PACSIN2: variants seen among roughly 807,000 people sequenced by gnomAD.
PACSIN2 encodes protein kinase C and casein kinase substrate in neurons 2.
Under a neutral mutation model 63.8 loss-of-function variants are expected in PACSIN2, and 25 were observed. The ratio of observed to expected loss-of-function variants is 0.39; its 90% CI spans 0.29 to 0.55. The LOEUF (loss-of-function observed/expected upper bound fraction) is 0.55, where lower values mean the gene tolerates loss of function less well. PACSIN2 is among the 20% of genes least tolerant of loss of function. The pLI, the probability that PACSIN2 is intolerant of heterozygous loss-of-function variation, is 0.62. For missense variants in PACSIN2, 518 were observed against 646.9 expected (o/e 0.80, Z 2.16); for synonymous variants, 255 against 256.2 (o/e 1.00, Z 0.05).
At chr22:42,889,381 C>CACACACACACACACACACAG (rs1569226248) in intron 4 of PACSIN2, among the ~76,000 whole-genome samples, 1 of 151,766 alleles carries the variant, frequency 6.6e-6, no homozygotes, top group East Asian at 1.9e-4. Context: ...TTTACACACA[C>CACACACACACACACACACAG]ACACACACAC....
rs1291903260 is a variant in PACSIN2, at chr22:42,925,715, T to C, written c.-77-13558A>G. 6.6e-5 allele frequency among the ~76,000 whole-genome samples: 10 copies of C among 152,324 alleles called. No individual in the cohort carries two copies. The South Asian group carries it at 1.7e-3, about 25-fold the overall frequency. ...TGTGAAGGTGCTATAACTCTAATGGTTAGAATTCTTTCGTAAACACTACTG... is the reference window on the plus strand; with the variant it reads ...TGTGAAGGTGCTATAACTCTAATGGCTAGAATTCTTTCGTAAACACTACTG... On this transcript the variant is annotated intron_variant, in intron 1 of 10. Coordinates refer to ENST00000263246, the MANE Select transcript of PACSIN2 (RefSeq NM_001184970.3).
rs1354383380 is a variant in PACSIN2, at chr22:42,936,211, G to A, written c.-77-24054C>T. On this transcript the variant is annotated intron_variant, in intron 1 of 10. Transcript: ENST00000263246. ...AGCCTGGGCGGCAGAGCGAGACTCCGTCTCAAAAAAAAAAAAAAAAATCCT... is the reference window on the plus strand; with the variant it reads ...AGCCTGGGCGGCAGAGCGAGACTCCATCTCAAAAAAAAAAAAAAAAATCCT... 7.8e-5 allele frequency among the ~76,000 whole-genome samples: 8 copies of A among 103,152 alleles called. No individual in the cohort carries two copies. In the East Asian group the frequency reaches 1.1e-3, roughly 14 times the overall value. 67.7% of individuals were successfully genotyped at this position (103,152 alleles called of 152,430 possible).
intron 1 of PACSIN2, among the ~76,000 whole-genome samples, chr22:42,971,296 G>A (rs1400202127): frequency 2.6e-5 from 4 of 152,098 alleles, no homozygotes; most frequent in African/African-American, 4.8e-5. Context: ...CGTGTTGGCC[G>A]GGCTGGTCTC....
chr22:42,894,531 G>A (rs540989519), intron 2 of PACSIN2, among the ~76,000 whole-genome samples: 4 of 152,310 alleles, frequency 2.6e-5, no homozygotes, highest in East Asian at 3.9e-4. Flanking sequence ...GTGAGGCACC[G>A]CGCCCAGCCC....
In PACSIN2 at chr22:42,942,104, T is replaced by TC. The variant is rs1264178262; in HGVS notation, c.-77-29948_-77-29947insG. Among the ~76,000 whole-genome samples, 3 of 150,736 alleles carry TC rather than the reference T, an allele frequency of 2.0e-5. No individual in the cohort carries two copies. In the East Asian group the frequency reaches 5.8e-4, roughly 29 times the overall value. ...TATTATTGAATTTTAAGAGTTCTTT[T>TC]TTTTTTTTTTTTTTAATTCTTTCAA... On this transcript the variant is annotated intron_variant, in intron 1 of 10. Transcript: ENST00000263246.
rs774549499 is a variant in PACSIN2, at chr22:42,876,257, T to G, written c.1228A>C (p.Thr410Pro). Residue 410 changes from threonine to proline, a missense_variant, in exon 10 of 11, where the codon ACG becomes CCG. Coordinates refer to ENST00000263246, the MANE Select transcript of PACSIN2 (RefSeq NM_001184970.3). ...GGATTCGAGTCCCCATTGGCATCCGTGGAGGAGAAGGGGTTGTTAGACTCA... is the reference window on the plus strand; with the variant it reads ...GGATTCGAGTCCCCATTGGCATCCGGGGAGGAGAAGGGGTTGTTAGACTCA... ...DDESNNPFSS[T>P]DANGDSNPFD... 1.2e-6 allele frequency: 2 copies of G among 1,614,004 alleles called. No homozygotes were observed. The highest frequency in any genetic ancestry group is 2.2e-5 in the East Asian group (1 of 44,870).
Position 43,014,323 on chromosome 22 carries a change from CACACACACA to C in PACSIN2, c.-78+689_-78+697del, listed in dbSNP as rs1569383268. Among the ~76,000 whole-genome samples the C allele has an allele frequency of 2.7e-3, 376 of 137,032 alleles. 5 individuals are homozygous for C. The highest frequency in any genetic ancestry group is 9.8e-3 in the African/African-American group (357 of 36,604). The allele number at this position is 137,032 out of a possible 152,430, so 89.9% of individuals were successfully genotyped here. A position where few individuals can be genotyped will look rare whatever the true frequency, so the allele number is the denominator to read the frequency against. On this transcript the variant is annotated intron_variant, in intron 1 of 10. Transcript: ENST00000263246. ...TAAGGGCTTTGCTCCCCCCGCCCTA[CACACACACA>C]CACACACACACACACACACAGACAC...
At position 43,012,760 on chromosome 22, in the gene PACSIN2, C is replaced by A. The variant is rs149411705; in HGVS notation, c.-78+2261G>T. On this transcript the variant is annotated intron_variant, in intron 1 of 10. Coordinates refer to ENST00000263246, the MANE Select transcript of PACSIN2 (RefSeq NM_001184970.3). Reference sequence around the variant, plus strand: ...CTCCGCCTCCTGGGTTCAAGCAATTCTCCTTCCTCAGCCTCCCAAGTAGCT... The same window carrying A: ...CTCCGCCTCCTGGGTTCAAGCAATTATCCTTCCTCAGCCTCCCAAGTAGCT... 9.1e-3 allele frequency among the ~76,000 whole-genome samples: 1,380 copies of A among 152,062 alleles called. 19 individuals carry two copies. The highest frequency in any genetic ancestry group is 0.032 in the African/African-American group (1,321 of 41,488).
At chr22:42,936,178 T>G (rs2146789354) in intron 1 of PACSIN2, among the ~76,000 whole-genome samples, 1 of 148,590 alleles carries the variant, frequency 6.7e-6, no homozygotes, top group Admixed American at 6.8e-5. Flanking sequence ...ATTGCGCCAC[T>G]GCACTCCAGC....
intron 1 of PACSIN2, among the ~76,000 whole-genome samples, chr22:43,000,865 T>G (rs1923722640): frequency 6.6e-6 from 1 of 152,216 alleles, no homozygotes; most frequent in Non-Finnish European, 1.5e-5. Context: ...TCACATTGAC[T>G]TTCTTCCCAT....
chr22:42,874,323 TAAA>T (rs5845568), intron 10 of PACSIN2, among the ~76,000 whole-genome samples: 6 of 133,838 alleles, frequency 4.5e-5, no homozygotes, highest in East Asian at 2.2e-4. Flanking sequence ...GTGTCTCTAT[TAAA>T]AAAAAAAAAA....
At chr22:42,898,578 T>C (rs950887063) in intron 2 of PACSIN2, among the ~76,000 whole-genome samples, 8 of 151,966 alleles carry the variant, frequency 5.3e-5, no homozygotes, top group African/African-American at 1.9e-4. Flanking sequence ...GCTGAGAACC[T>C]CCTTTCTAGG....
At chr22:42,888,442 G>C (rs761635264) in intron 5 of PACSIN2, among the ~76,000 whole-genome samples, 7 of 152,218 alleles carry the variant, frequency 4.6e-5, no homozygotes, top group Non-Finnish European at 7.3e-5. Context: ...TCTGTCCCTT[G>C]ACTGAGCAGG....
At chr22:42,978,063 C>G (rs890293408) in intron 1 of PACSIN2, among the ~76,000 whole-genome samples, 2 of 152,150 alleles carry the variant, frequency 1.3e-5, no homozygotes, top group Non-Finnish European at 2.9e-5. Context: ...GGAGAGAGAT[C>G]CAGAGTACAA....
chr22:42,961,070 G>A (rs987997013), intron 1 of PACSIN2, among the ~76,000 whole-genome samples: 4 of 152,158 alleles, frequency 2.6e-5, no homozygotes, highest in Non-Finnish European at 5.9e-5. Context: ...AGTTCAGGGC[G>A]GTTCCTCCTT....
At chr22:42,979,709 T>C (rs972575123) in intron 1 of PACSIN2, among the ~76,000 whole-genome samples, 2 of 152,196 alleles carry the variant, frequency 1.3e-5, no homozygotes, top group Admixed American at 6.5e-5. Context: ...CCTGCCGCTT[T>C]CTAACTTGGG....
intron 10 of PACSIN2, among the ~76,000 whole-genome samples, chr22:42,874,849 C>A (rs2146624918): frequency 8.1e-6 from 1 of 123,528 alleles, no homozygotes; most frequent in East Asian, 2.0e-4. Context: ...CATTGGGCAT[C>A]CGCTTTTTTT....
intron 1 of PACSIN2, among the ~76,000 whole-genome samples, chr22:42,920,213 A>G (rs1042602398): frequency 1.3e-5 from 2 of 152,230 alleles, no homozygotes; most frequent in Admixed American, 1.3e-4. Flanking sequence ...TGAACTCTGA[A>G]CAAGGGCTAC....
chr22:42,879,903 A>G (rs1003146898), intron 7 of PACSIN2, among the ~76,000 whole-genome samples: 1 of 152,176 alleles, frequency 6.6e-6, no homozygotes, highest in Non-Finnish European at 1.5e-5. Context: ...ATCTGAGCAC[A>G]TGCTGGGGCT....
Sources: allele counts gnomAD v4.1 joint callset (sites outside exome capture counted in the v4.1 genomes callset), GRCh38; gene constraint gnomAD v4.1.1; transcripts MANE v1.5; gene names NCBI Gene and HGNC (gene_info 2026-07-23, HGNC 2026-07-21).